Variants in CATSPERD observed in about 807,000 individuals in gnomAD.
CATSPERD encodes the protein cation channel sperm-associated auxiliary subunit delta.
A neutral mutation model predicts 98.1 loss-of-function variants in CATSPERD; 86 were observed. The ratio of observed to expected loss-of-function variants is 0.88; its 90% CI spans 0.74 to 1.05. The LOEUF is 1.05. Among genes scored for constraint, CATSPERD ranks in the 50% least tolerant of loss-of-function variants. The pLI, the probability that CATSPERD is intolerant of heterozygous loss-of-function variation, is 0.00. For synonymous variants in CATSPERD, 394 were observed against 390.2 expected (o/e 1.01, Z -0.12); for missense variants, 995 against 1,005.7 (o/e 0.99, Z 0.14).
intron 15 of CATSPERD, among the ~76,000 whole-genome samples, chr19:5,759,566 CA>C (rs35459854): frequency 0.73 from 61,629 of 84,008 alleles, 20,922 homozygotes; most frequent in Non-Finnish European, 0.76. Context: ...ACTCCAGCTC[CA>C]AAAAAAAAAA....
chr19:5,769,566 T>C (rs1025141577), intron 18 of CATSPERD, among the ~76,000 whole-genome samples: 5 of 152,046 alleles, frequency 3.3e-5, no homozygotes, highest in African/African-American at 1.2e-4. Flanking sequence ...AGGGAGCTCC[T>C]TGCCACGCGA....
At chr19:5,774,754 C>T (rs1318965354) in intron 20 of CATSPERD, among the ~76,000 whole-genome samples, 3 of 151,960 alleles carry the variant, frequency 2.0e-5, no homozygotes, top group South Asian at 4.2e-4. Context: ...CTGTGGCTCA[C>T]GCCTGTAATC....
intron 20 of CATSPERD, among the ~76,000 whole-genome samples, chr19:5,774,089 T>A (rs2056698552): frequency 6.8e-6 from 1 of 148,038 alleles, no homozygotes; most frequent in Non-Finnish European, 1.5e-5. Flanking sequence ...CGCCTCAGCC[T>A]CCTGAGTAGC....
At chr19:5,778,143 G>A (rs1426156824) in intron 21 of CATSPERD, among the ~76,000 whole-genome samples, 2 of 147,072 alleles carry the variant, frequency 1.4e-5, no homozygotes, top group Non-Finnish European at 3.0e-5. Context: ...GGAGGCGGAG[G>A]TTGCAATGAG....
rs569984824 is a variant in CATSPERD, at chr19:5,720,656, G to C, written c.-82G>C. On this transcript the variant is annotated 5_prime_UTR_variant, in exon 1 of 22. Coordinates refer to ENST00000381624, the MANE Select transcript of CATSPERD (RefSeq NM_152784.4). Reference sequence around the variant, plus strand: ...GGACTCATTGATGCGCATGCGCAGGGCTTCAGCCTGCACGTACTCGGATTG... The same window carrying C: ...GGACTCATTGATGCGCATGCGCAGGCCTTCAGCCTGCACGTACTCGGATTG... The C allele has an allele frequency of 2.3e-4, 317 of 1,360,556 alleles. No individual in the cohort carries two copies. In the African/African-American group the frequency reaches 4.2e-3, roughly 18 times the overall value. The allele number at this position is 1,360,556 out of a possible 1,614,324, so 84.3% of individuals were successfully genotyped here.
rs747927289 is a variant in CATSPERD at position 5,757,911 on chromosome 19, TG to T, written c.1350del (p.Asn451ThrfsTer10). On this transcript the variant is annotated frameshift_variant, in exon 14 of 22. Coordinates refer to ENST00000381624, the MANE Select transcript of CATSPERD (RefSeq NM_152784.4). LOFTEE classifies it high-confidence loss of function. The stretch of plus-strand genomic sequence containing the variant: ...TCTACGAGAACGGTTACACATCAGA[TG>T]GGAACACCAAGTACAAACTGGTGAG... ...TFYENGYTSD[G>X]NTKYKLDIFL... The T allele has an allele frequency of 4.3e-6, 7 of 1,612,962 alleles. No homozygotes were observed. The highest frequency in any genetic ancestry group is 1.7e-5 in the Admixed American group (1 of 59,866).
In CATSPERD at chr19:5,768,220, A is replaced by C; in HGVS notation, c.1612A>C (p.Asn538His). Residue 538 changes from asparagine (N) to histidine (H), a missense_variant, in exon 18 of 22, where the codon AAT (asparagine) becomes CAT (histidine). Coordinates refer to ENST00000381624, the MANE Select transcript of CATSPERD (RefSeq NM_152784.4). ...CCTGGACCCCTTGACCCTGCAAGACAATTACAGCTTCATCATCGAGAAGTA... is the reference window on the plus strand; with the variant it reads ...CCTGGACCCCTTGACCCTGCAAGACCATTACAGCTTCATCATCGAGAAGTA... ...GILDPLTLQD[N>H]YSFIIEKEFY... 1 of 1,613,494 alleles carries C rather than the reference A, an allele frequency of 6.2e-7. No individual in the cohort carries two copies. Among genetic ancestry groups the C allele is most frequent in the Non-Finnish European group, 8.5e-7 (1 of 1,179,586 alleles).
intron 7 of CATSPERD, among the ~76,000 whole-genome samples, chr19:5,742,166 G>A (rs1028461509): frequency 2.7e-4 from 39 of 145,362 alleles, no homozygotes; most frequent in Non-Finnish European, 4.9e-4. Context: ...ACGTGTGTGT[G>A]CGTGTGTGTA....
At chr19:5,765,269 T>C (rs537300917) in intron 16 of CATSPERD, among the ~76,000 whole-genome samples, 5 of 152,296 alleles carry the variant, frequency 3.3e-5, no homozygotes, top group African/African-American at 9.6e-5. Context: ...CCTGTGGCTT[T>C]TAGACTCCAT....
At position 5,763,847 on chromosome 19, in the gene CATSPERD, C is replaced by CTTTTTTTTTTTTTTTTTTT. The variant is rs56352544; in HGVS notation, c.1506+572_1506+573insTTTTTTTTTTTTTTTTTTT. ...TGTTGGCCAGGCTGGTCTTGAACTC[C>CTTTTTTTTTTTTTTTTTTT]TTTTTTTTTTTTTTTTTTGACATGG... On this transcript the variant is annotated intron_variant, in intron 16 of 21. Transcript: ENST00000381624. Among the ~76,000 whole-genome samples the CTTTTTTTTTTTTTTTTTTT allele has an allele frequency of 3.2e-4, 20 of 62,132 alleles. 4 individuals carry two copies. Among genetic ancestry groups the CTTTTTTTTTTTTTTTTTTT allele is most frequent in the South Asian group, 1.2e-3 (2 of 1,626 alleles). The allele number at this position is 62,132 out of a possible 152,430, so 40.8% of individuals were successfully genotyped here.
At chr19:5,764,064 G>A (rs2145835445) in intron 16 of CATSPERD, among the ~76,000 whole-genome samples, 1 of 151,530 alleles carries the variant, frequency 6.6e-6, no homozygotes, top group East Asian at 2.0e-4. Flanking sequence ...GGCCAGGCTG[G>A]TCTTGAACTC....
At chr19:5,745,779 G>A (rs2145755631) in intron 8 of CATSPERD, 134 bp from the exon 9 acceptor site, 1 of 741,804 alleles carries the variant, frequency 1.3e-6, no homozygotes, top group Admixed American at 2.7e-5. Flanking sequence ...AAAAAAGAAA[G>A]GCAGACTTGT....
chr19:5,754,118 G>C lies in CATSPERD; in HGVS notation c.1165-14G>C. 2.6e-6 allele frequency: 4 copies of C among 1,531,530 alleles called. No individual in the cohort carries two copies. The highest frequency in any genetic ancestry group is 1.1e-5 in the South Asian group (1 of 89,406). 94.9% of individuals were successfully genotyped at this position (1,531,530 alleles called of 1,614,324 possible). A position where few individuals can be genotyped will look rare whatever the true frequency, so the allele number is the denominator to read the frequency against. ...AGGAGCATGATTATCTTTCTTCTTC[G>C]CCTTTTTAACTAGATAGAGTTTCTG... is the stretch of plus-strand genomic sequence containing the variant. On this transcript the variant is annotated splice_polypyrimidine_tract_variant and intron_variant, in intron 12 of 21. Coordinates refer to ENST00000381624, the MANE Select transcript of CATSPERD (RefSeq NM_152784.4).
At chr19:5,762,214 C>T (rs578041386) in intron 15 of CATSPERD, among the ~76,000 whole-genome samples, 1 of 150,270 alleles carries the variant, frequency 6.7e-6, no homozygotes, top group African/African-American at 2.4e-5. Context: ...CAGACACACG[C>T]CACCATGCCT....
At chr19:5,727,758 T>G (rs1021400814) in intron 3 of CATSPERD, among the ~76,000 whole-genome samples, 1 of 151,940 alleles carries the variant, frequency 6.6e-6, no homozygotes, top group African/African-American at 2.4e-5. Context: ...AGCATGCACG[T>G]GAGTTCGTAA....
chr19:5,755,613 C>T (rs1432256303), intron 13 of CATSPERD, among the ~76,000 whole-genome samples: 1 of 151,630 alleles, frequency 6.6e-6, no homozygotes, highest in Non-Finnish European at 1.5e-5. Flanking sequence ...GTACAAAAAA[C>T]ATAAAAATTA....
chr19:5,761,226 C>T (rs2056427081), intron 15 of CATSPERD, among the ~76,000 whole-genome samples: 1 of 151,982 alleles, frequency 6.6e-6, no homozygotes, highest in Admixed American at 6.6e-5. Flanking sequence ...CTCAGCCTCT[C>T]GAGTAGCTGG....
chr19:5,742,504 G>C (rs149541357), intron 7 of CATSPERD, among the ~76,000 whole-genome samples: 32 of 152,266 alleles, frequency 2.1e-4, no homozygotes, highest in African/African-American at 7.5e-4. Flanking sequence ...ATTGACGGCT[G>C]GGTACAGTGG....
At chr19:5,759,189 G>T in intron 15 of CATSPERD, 45 bp downstream of exon 15, 1 of 1,568,278 alleles carries the variant, frequency 6.4e-7, no homozygotes, top group Non-Finnish European at 8.8e-7. Context: ...TGCCTACAGG[G>T]GTTTCCTTAG....
Sources: allele counts gnomAD v4.1 joint callset (sites outside exome capture counted in the v4.1 genomes callset), GRCh38; gene constraint gnomAD v4.1.1; transcripts MANE v1.5; gene names NCBI Gene and HGNC (gene_info 2026-07-23, HGNC 2026-07-21).